Variants in LMX1A observed in about 807,000 individuals in gnomAD.
LMX1A encodes LIM homeobox transcription factor 1 alpha, also known as LIM homeobox transcription factor 1-alpha.
In LMX1A, 15 loss-of-function variants were observed where a neutral mutation model predicts 49.1. That is an observed-to-expected ratio of 0.31 (90% CI 0.20 to 0.47). The LOEUF (loss-of-function observed/expected upper bound fraction) is 0.47. Ranked by LOEUF, LMX1A falls within the 20% of genes least tolerant of loss-of-function variation. LMX1A has a pLI of 1.00. For synonymous variants in LMX1A, 167 were observed against 185.7 expected, an observed-to-expected ratio of 0.90 and a Z score of 0.82; for missense variants, 372 against 475.8, an observed-to-expected ratio of 0.78 and a Z score of 2.03.
chr1:165,314,603 C>T (rs934367448), intron 3 of LMX1A, among the ~76,000 whole-genome samples: 2 of 151,956 alleles, frequency 1.3e-5, no homozygotes, highest in African/African-American at 2.4e-5. Flanking sequence ...TAATTTCTTC[C>T]AATATCTTTT....
At chr1:165,291,767 C>T (rs572152484) in intron 3 of LMX1A, among the ~76,000 whole-genome samples, 1 of 152,130 alleles carries the variant, frequency 6.6e-6, no homozygotes, top group Non-Finnish European at 1.5e-5. Flanking sequence ...GTACTCTTAA[C>T]AATATGCTAT....
chr1:165,305,633 C>T (rs1057430833), intron 3 of LMX1A, among the ~76,000 whole-genome samples: 3 of 152,294 alleles, frequency 2.0e-5, no homozygotes, highest in African/African-American at 4.8e-5. Context: ...ACAGTGAAAA[C>T]GTCAAATTGG....
intron 3 of LMX1A, among the ~76,000 whole-genome samples, chr1:165,256,127 G>A (rs1653227624): frequency 6.6e-6 from 1 of 152,158 alleles, no homozygotes; most frequent in South Asian, 2.1e-4. Flanking sequence ...CGTGGTGCAG[G>A]CAGAACATGC....
intron 3 of LMX1A, among the ~76,000 whole-genome samples, chr1:165,326,745 C>T (rs1424239548): frequency 6.6e-6 from 1 of 152,160 alleles, no homozygotes; most frequent in East Asian, 1.9e-4. Context: ...ACCATTTCCC[C>T]CAAACTTGCT....
intron 4 of LMX1A, among the ~76,000 whole-genome samples, chr1:165,236,852 GT>G (rs11302510): frequency 0.39 from 56,084 of 144,238 alleles, 11,114 homozygotes; most frequent in African/African-American, 0.5. Flanking sequence ...GGAGTTCAAA[GT>G]TTTTTTTTTT....
intron 3 of LMX1A, among the ~76,000 whole-genome samples, chr1:165,281,115 T>G (rs530890240): frequency 3.9e-4 from 60 of 152,276 alleles, no homozygotes; most frequent in Non-Finnish European, 7.2e-4. Flanking sequence ...GTTAGGAACC[T>G]TCTTCCCCAT....
At position 165,203,268 on chromosome 1, in the gene LMX1A, G is replaced by A. The variant is rs1346069893; in HGVS notation, c.*612C>T. The A allele has an allele frequency of 2.0e-5, 3 of 152,740 alleles. No homozygotes were observed. The East Asian group carries it at 5.8e-4, about 29-fold the overall frequency. 9.5% of individuals were successfully genotyped at this position (152,740 alleles called of 1,614,324 possible). ...GCACTCAAAGCTATGGGGCTAGGTG[G>A]AGCAGCCCTCTCTGCCCTGCTGACA... On this transcript the variant is annotated 3_prime_UTR_variant, in exon 9 of 9. Transcript: ENST00000342310.
intron 5 of LMX1A, chr1:165,211,342 G>T (rs1399451878): frequency 6.6e-6 from 1 of 152,280 alleles, no homozygotes; most frequent in African/African-American, 2.4e-5. Flanking sequence ...AGCCAGGTAG[G>T]CAACTCTGAG....
chr1:165,215,363 T>A (rs1651605246), intron 4 of LMX1A, among the ~76,000 whole-genome samples: 1 of 152,172 alleles, frequency 6.6e-6, no homozygotes, highest in Admixed American at 6.5e-5. Context: ...TATGCCCAAA[T>A]GATCTAACAA....
chr1:165,330,761 C>A (rs1245040719), intron 3 of LMX1A, among the ~76,000 whole-genome samples: 2 of 152,148 alleles, frequency 1.3e-5, no homozygotes, highest in African/African-American at 4.8e-5. Context: ...ACAACCAGGG[C>A]ACCGAATCTG....
Position 165,203,745 on chromosome 1 carries a change from T to C in LMX1A, c.*135A>G. ...GAAATGCTGAGCTACACCATATCAT[T>C]ATACAACAGCATCCCCAACAAAACT... is the stretch of plus-strand genomic sequence containing the variant. On this transcript the variant is annotated 3_prime_UTR_variant, in exon 9 of 9. Transcript: ENST00000342310. The C allele has an allele frequency of 1.5e-6, 1 of 682,606 alleles. No individual in the cohort carries two copies. Among genetic ancestry groups the C allele is most frequent in the South Asian group, 1.9e-5 (1 of 52,824 alleles). 42.3% of individuals were successfully genotyped at this position (682,606 alleles called of 1,614,324 possible).
chr1:165,340,229 A>T (rs571139102), intron 3 of LMX1A, among the ~76,000 whole-genome samples: 1 of 152,056 alleles, frequency 6.6e-6, no homozygotes, highest in African/African-American at 2.4e-5. Context: ...CAGCCTCCCG[A>T]GTACATGGGA....
At chr1:165,323,463 G>C (rs1184719839) in intron 3 of LMX1A, among the ~76,000 whole-genome samples, 1 of 152,092 alleles carries the variant, frequency 6.6e-6, no homozygotes, top group East Asian at 1.9e-4. Context: ...TTTTAAAATA[G>C]AAAGCTTATA....
Position 165,203,956 on chromosome 1 carries a change from G to A in LMX1A, c.1073C>T (p.Ala358Val), listed in dbSNP as rs756064889. 1.2e-6 allele frequency: 2 copies of A among 1,614,146 alleles called. No individual in the cohort carries two copies. Among genetic ancestry groups the A allele is most frequent in the Non-Finnish European group, 1.7e-6 (2 of 1,180,016 alleles). The change falls in exon 9 of 9, where the codon GCT (alanine) becomes GTT (valine). Residue 358 changes from alanine (A) to valine (V), a missense_variant. Coordinates refer to ENST00000342310, the MANE Select transcript of LMX1A (RefSeq NM_177398.4). ...LGDCFLATSEAGPLQSRVGNP... is the reference protein window; with the variant it reads ...LGDCFLATSEVGPLQSRVGNP... ...TCCCACTCTGGACTGCAGAGGCCCA[G>A]CTTCTGAGGTTGCTAGGAAACAATC... is the stretch of plus-strand genomic sequence containing the variant.
intron 3 of LMX1A, among the ~76,000 whole-genome samples, chr1:165,264,897 A>G (rs923000212): frequency 1.3e-5 from 2 of 151,810 alleles, no homozygotes; most frequent in Non-Finnish European, 2.9e-5. Context: ...ACAGAACAAT[A>G]CCCTGCCTCG....
chr1:165,214,515 T>G (rs1651568358), intron 4 of LMX1A, among the ~76,000 whole-genome samples: 1 of 152,212 alleles, frequency 6.6e-6, no homozygotes, highest in Non-Finnish European at 1.5e-5. Context: ...TCTACTTCAT[T>G]GGGGTTGCTG....
At chr1:165,213,870 A>G (rs1452443166) in intron 4 of LMX1A, 57 bp from the exon 5 acceptor site, 1 of 1,523,352 alleles carries the variant, frequency 6.6e-7, no homozygotes, top group African/African-American at 1.4e-5. Context: ...CTGGAGCTGT[A>G]TGTTATTCCA....
rs1378028006 is a variant in LMX1A at position 165,355,011 on chromosome 1, C to T, written c.76+473G>A. Among the ~76,000 whole-genome samples, 1 of 152,082 alleles carries T rather than the reference C, an allele frequency of 6.6e-6. No homozygotes were observed. Among genetic ancestry groups the T allele is most frequent in the Non-Finnish European group, 1.5e-5 (1 of 68,028 alleles). On this transcript the variant is annotated intron_variant, in intron 2 of 8. Transcript: ENST00000342310. This position sits in a 1 kb window ranked among gnomAD's most constrained non-coding sequence, Gnocchi z 4.7. ...ATCCCCGCGCTGCGTTGCCTACTGG[C>T]CCAGAAAAGTCTCTCTCGGCCTTGC...
intron 3 of LMX1A, among the ~76,000 whole-genome samples, chr1:165,286,670 G>T (rs1006930380): frequency 2.5e-4 from 38 of 152,094 alleles, no homozygotes; most frequent in Admixed American, 2.4e-3. Context: ...ATCCTGCAGG[G>T]TTATTGCTAT....
Sources: allele counts gnomAD v4.1 joint callset (sites outside exome capture counted in the v4.1 genomes callset), GRCh38; gene constraint gnomAD v4.1.1; non-coding constraint Gnocchi (gnomAD v3.1); transcripts MANE v1.5; gene names NCBI Gene and HGNC (gene_info 2026-07-23, HGNC 2026-07-21).